ATP8A1: variants seen among roughly 807,000 people sequenced by gnomAD.
ATP8A1 encodes the protein ATPase phospholipid transporting 8A1.
ATP8A1 carries 90 observed loss-of-function variants against 177.7 expected under a neutral mutation model. The ratio of observed to expected loss-of-function variants is 0.51; its 90% CI spans 0.43 to 0.60. ATP8A1 has a LOEUF of 0.60. Among genes scored for constraint, ATP8A1 ranks in the 20% least tolerant of loss-of-function variants. The probability of loss-of-function intolerance (pLI) is 0.00; values close to 1 mark genes in which losing one functional copy is unlikely to be tolerated. For synonymous variants in ATP8A1, 493 were observed against 485.9 expected (o/e 1.01, Z -0.19); for missense variants, 1,072 against 1,392.8 (o/e 0.77, Z 3.67).
At chr4:42,603,056 G>GT (rs997094922) in intron 5 of ATP8A1, among the ~76,000 whole-genome samples, 20 of 151,614 alleles carry the variant, frequency 1.3e-4, no homozygotes, top group East Asian at 9.7e-4. Flanking sequence ...GTAATACTTA[G>GT]TTTTTTTTAA....
chr4:42,474,538 G>T (rs1254598110), intron 25 of ATP8A1, among the ~76,000 whole-genome samples: 1 of 152,202 alleles, frequency 6.6e-6, no homozygotes, highest in East Asian at 1.9e-4. Flanking sequence ...CGCATGCCTT[G>T]GAACAGGAAA....
chr4:42,514,552 A>G (rs1298048965), intron 22 of ATP8A1, among the ~76,000 whole-genome samples: 1 of 152,224 alleles, frequency 6.6e-6, no homozygotes, highest in Non-Finnish European at 1.5e-5. Context: ...AGGCTGCCTC[A>G]CTAAGTAGCT....
chr4:42,413,137 G>A, intron 36 of ATP8A1, 124 bp from the exon 37 acceptor site: 6 of 701,510 alleles, frequency 8.6e-6, no homozygotes, highest in Non-Finnish European at 4.8e-6. Flanking sequence ...CAAAAGCATG[G>A]AGACACTGAT....
In ATP8A1 at chr4:42,616,060, T is replaced by G; in HGVS notation, c.382A>C (p.Asn128His). The change falls in exon 5 of 37, where the codon AAT (asparagine) becomes CAT (histidine). Residue 128 changes from asparagine to histidine, a missense_variant. Asn to His is a moderately conservative substitution (Grantham distance 68). Transcript: ENST00000381668. ...IEDIKRHKAD[N>H]AVNKKQTQVL... The stretch of plus-strand genomic sequence containing the variant: ...TGCGTTTGTTTCTTGTTCACTGCAT[T>G]ATCAGCTTTATGTCGTTTCTAAAGT... 1.2e-6 allele frequency: 2 copies of G among 1,612,088 alleles called. No homozygotes were observed. The highest frequency in any genetic ancestry group is 1.7e-6 in the Non-Finnish European group (2 of 1,179,268).
chr4:42,460,943 T>A (rs981222588), intron 27 of ATP8A1, among the ~76,000 whole-genome samples: 1 of 152,156 alleles, frequency 6.6e-6, no homozygotes, highest in African/African-American at 2.4e-5. Context: ...AGAAGGCAAC[T>A]TTTTAAAAAA....
At chr4:42,524,148 A>C (rs1001553433) in intron 21 of ATP8A1, among the ~76,000 whole-genome samples, 1 of 152,198 alleles carries the variant, frequency 6.6e-6, no homozygotes, top group Non-Finnish European at 1.5e-5. Context: ...TCCTCTCTCT[A>C]GACTATGTAC....
intron 36 of ATP8A1, among the ~76,000 whole-genome samples, chr4:42,413,336 G>A (rs1712837673): frequency 6.6e-6 from 1 of 152,172 alleles, no homozygotes; most frequent in South Asian, 2.1e-4. Flanking sequence ...TCTGGAGGGG[G>A]TGAGGGAGTT....
intron 9 of ATP8A1, among the ~76,000 whole-genome samples, chr4:42,582,985 A>G (rs1733248906): frequency 6.6e-6 from 1 of 152,228 alleles, no homozygotes; most frequent in Non-Finnish European, 1.5e-5. Flanking sequence ...GGTCAAATAT[A>G]AAGAAAAATA....
rs895013119 is a variant in ATP8A1, at chr4:42,491,523, T to A, written c.2152-5855A>T. ...AACCCTTGATAAAAAAACAGGCCTA[T>A]ATCATAAACGTGCAGTCATAAAAAA... On this transcript the variant is annotated intron_variant, in intron 24 of 36. Transcript: ENST00000381668. 7.2e-5 allele frequency among the ~76,000 whole-genome samples: 11 copies of A among 152,252 alleles called. 1 individual carries two copies. The highest frequency in any genetic ancestry group is 6.5e-4 in the Admixed American group (10 of 15,290).
intron 25 of ATP8A1, among the ~76,000 whole-genome samples, chr4:42,481,691 G>A (rs968426734): frequency 2.0e-5 from 3 of 152,074 alleles, no homozygotes; most frequent in Non-Finnish European, 4.4e-5. Context: ...TTTTCCCTAC[G>A]TCTACCTCTC....
At chr4:42,500,661 G>A (rs1454083866) in intron 24 of ATP8A1, among the ~76,000 whole-genome samples, 1 of 152,058 alleles carries the variant, frequency 6.6e-6, no homozygotes, top group Non-Finnish European at 1.5e-5. Flanking sequence ...GAGAACACCT[G>A]GCTTTGCTTT....
chr4:42,439,115 G>T (rs1208603811), intron 33 of ATP8A1, among the ~76,000 whole-genome samples: 2 of 152,142 alleles, frequency 1.3e-5, no homozygotes, highest in Non-Finnish European at 2.9e-5. Context: ...ACCTGTACCT[G>T]TAAGTTGCTG....
intron 19 of ATP8A1, among the ~76,000 whole-genome samples, chr4:42,547,913 T>C (rs1020840853): frequency 6.6e-6 from 1 of 152,212 alleles, no homozygotes; most frequent in Non-Finnish European, 1.5e-5. Context: ...CTTATTTCCT[T>C]GAGCAGCAGC....
intron 5 of ATP8A1, among the ~76,000 whole-genome samples, chr4:42,603,076 A>AT (rs961423588): frequency 1.3e-5 from 2 of 152,156 alleles, no homozygotes; most frequent in African/African-American, 4.8e-5. Flanking sequence ...AAAAAAAACT[A>AT]TAAGTGTCCA....
chr4:42,562,429 G>C, intron 15 of ATP8A1: 1 of 155,230 alleles, frequency 6.4e-6, no homozygotes, highest in African/African-American at 2.4e-5. Flanking sequence ...CTGCTCCTGG[G>C]ACCTCTGGCC....
At chr4:42,429,374 TAA>T (rs1714999909) in intron 33 of ATP8A1, among the ~76,000 whole-genome samples, 1 of 149,578 alleles carries the variant, frequency 6.7e-6, no homozygotes, top group South Asian at 2.2e-4. Flanking sequence ...TACCTGGAAA[TAA>T]AAGTGTTTTG....
chr4:42,420,403 G>A (rs1365671732), intron 35 of ATP8A1, among the ~76,000 whole-genome samples: 1 of 152,190 alleles, frequency 6.6e-6, no homozygotes, highest in African/African-American at 2.4e-5. Context: ...AAATGAGCGA[G>A]GCAGCAGCAG....
chr4:42,559,520 T>G (rs1730594154), intron 15 of ATP8A1, among the ~76,000 whole-genome samples: 1 of 152,210 alleles, frequency 6.6e-6, no homozygotes, highest in Non-Finnish European at 1.5e-5. Flanking sequence ...CATGTATCAT[T>G]GGTGAGAACA....
chr4:42,523,222 C>T (rs529948220), intron 21 of ATP8A1, among the ~76,000 whole-genome samples: 1 of 152,176 alleles, frequency 6.6e-6, no homozygotes, highest in African/African-American at 2.4e-5. Flanking sequence ...TAACTCACAT[C>T]TCTCTCAGCC....
Sources: gnomAD v4.1 joint callset for allele counts (sites outside exome capture counted in the v4.1 genomes callset) on GRCh38, gnomAD v4.1.1 for gene constraint, MANE v1.5 for transcripts, NCBI Gene and HGNC (gene_info 2026-07-23, HGNC 2026-07-21) for gene names.